Variants in UCHL3 observed in about 807,000 individuals in gnomAD.
The protein encoded by UCHL3 is ubiquitin C-terminal hydrolase L3.
A neutral mutation model predicts 35.8 loss-of-function variants in UCHL3; 22 were observed. That is an observed-to-expected ratio of 0.61 (90% CI 0.44 to 0.88). The LOEUF is 0.88. Among genes scored for constraint, UCHL3 ranks in the 40% least tolerant of loss-of-function variants. The pLI, the probability that UCHL3 is intolerant of heterozygous loss-of-function variation, is 0.00. For synonymous variants in UCHL3, 90 were observed against 92.8 expected, an observed-to-expected ratio of 0.97 and a Z score of 0.17; for missense variants, 229 against 276.9, an observed-to-expected ratio of 0.83 and a Z score of 1.23.
rs781445517 is a variant in UCHL3 at position 75,569,552 on chromosome 13, A to G, written c.474+45A>G. 6 of 1,525,950 alleles carry G rather than the reference A, an allele frequency of 3.9e-6. No homozygotes were observed. The Admixed American group carries it at 9.4e-5, about 24-fold the overall frequency. The allele number at this position is 1,525,950 out of a possible 1,614,324, so 94.5% of individuals were successfully genotyped here. On this transcript the variant is annotated intron_variant, in intron 6 of 8. Transcript: ENST00000377595. ...AATTTTTCTTGCTATAAATTTAACCATATAAATTTCTTGCTGTAAATTTAA... is the reference window on the plus strand; with the variant it reads ...AATTTTTCTTGCTATAAATTTAACCGTATAAATTTCTTGCTGTAAATTTAA...
At chr13:75,566,600 A>G (rs1056385432) in intron 3 of UCHL3, 95 bp from the exon 4 acceptor site, 5 of 755,744 alleles carry the variant, frequency 6.6e-6, no homozygotes, top group Non-Finnish European at 9.5e-6. Context: ...CTTTCATAAT[A>G]ATATTTTTTA....
intron 6 of UCHL3, chr13:75,590,243 GC>G: frequency 8.4e-7 from 1 of 1,186,138 alleles, no homozygotes; most frequent in Admixed American, 3.7e-5. Flanking sequence ...TCAACCATTA[GC>G]TTTTTCTCCC....
intron 7 of UCHL3, among the ~76,000 whole-genome samples, chr13:75,597,039 A>G (rs962603414): frequency 6.6e-6 from 1 of 152,258 alleles, no homozygotes; most frequent in East Asian, 1.9e-4. Context: ...AAGAATAGCC[A>G]TAATCTTTGA....
At chr13:75,581,491 A>C (rs1054890706) in intron 6 of UCHL3, among the ~76,000 whole-genome samples, 2 of 148,376 alleles carry the variant, frequency 1.3e-5, no homozygotes, top group African/African-American at 5.0e-5. Context: ...CTGAGACCAC[A>C]GGCATGTACC....
chr13:75,594,974 G>A lies in UCHL3; in HGVS notation c.534G>A (p.Gly178=), dbSNP rs756180319. 3 of 1,605,504 alleles carry A rather than the reference G, an allele frequency of 1.9e-6. No homozygotes were observed. In the South Asian group the frequency reaches 3.4e-5, roughly 18 times the overall value. ...LHFIALVHVD[G]HLYELDGRKP... Reference sequence around the variant, plus strand: ...TTATTGCATTAGTTCATGTAGATGGGCATCTCTATGAATTAGGTAAGAACT... The same window carrying A: ...TTATTGCATTAGTTCATGTAGATGGACATCTCTATGAATTAGGTAAGAACT... The change falls in exon 7 of 9, where the codon GGG becomes GGA. Residue 178 remains glycine (G), a synonymous_variant. Coordinates refer to ENST00000377595, the MANE Select transcript of UCHL3 (RefSeq NM_006002.5).
rs566273209 is a variant in UCHL3, at chr13:75,599,702, C to A, written c.550+4712C>A. Among the ~76,000 whole-genome samples, 28 of 152,302 alleles carry A rather than the reference C, an allele frequency of 1.8e-4. No homozygotes were observed. In the South Asian group the frequency reaches 5.6e-3, roughly 30 times the overall value. ...GTGTTCTGACTGCTCCATTAACCAG[C>A]CATTTCCCCATCTCTTTTCCTCTCT... On this transcript the variant is annotated intron_variant, in intron 7 of 8. Transcript: ENST00000377595.
chr13:75,566,241 A>G (rs1017498585), intron 3 of UCHL3, among the ~76,000 whole-genome samples: 4 of 152,232 alleles, frequency 2.6e-5, no homozygotes, highest in African/African-American at 9.6e-5. Flanking sequence ...AAACTGACCT[A>G]TAACCACACT....
chr13:75,601,970 G>A (rs55777620), intron 7 of UCHL3, among the ~76,000 whole-genome samples: 21,994 of 151,912 alleles, frequency 0.14, 1,992 homozygotes, highest in East Asian at 0.29. Flanking sequence ...TTAGCTGGGT[G>A]TGGTGGTGGG....
intron 5 of UCHL3, among the ~76,000 whole-genome samples, chr13:75,568,724 A>G (rs2031765934): frequency 1.3e-5 from 2 of 151,994 alleles, no homozygotes; most frequent in South Asian, 4.1e-4. Context: ...TTGTAGCTAA[A>G]TCTTTGTAAA....
At chr13:75,568,349 A>G (rs1252060282) in intron 5 of UCHL3, among the ~76,000 whole-genome samples, 1 of 151,974 alleles carries the variant, frequency 6.6e-6, no homozygotes, top group East Asian at 1.9e-4. Flanking sequence ...AGAATTTTAA[A>G]TTGTTTTTTT....
chr13:75,583,456 ATTC>A (rs1171252110), intron 6 of UCHL3, among the ~76,000 whole-genome samples: 8 of 152,194 alleles, frequency 5.3e-5, no homozygotes, highest in Non-Finnish European at 8.8e-5. Flanking sequence ...GGGGAAAATT[ATTC>A]TTTGTCTTTA....
At chr13:75,590,514 A>G (rs1172890830) in intron 6 of UCHL3, among the ~76,000 whole-genome samples, 1 of 152,104 alleles carries the variant, frequency 6.6e-6, no homozygotes, top group Non-Finnish European at 1.5e-5. Flanking sequence ...GTTCTTTGCC[A>G]TCTATTACTT....
chr13:75,599,762 T>C (rs1468277622), intron 7 of UCHL3, among the ~76,000 whole-genome samples: 2 of 152,146 alleles, frequency 1.3e-5, no homozygotes, highest in East Asian at 1.9e-4. Flanking sequence ...ACAATAATAT[T>C]GAAATGAGGC....
intron 3 of UCHL3, 35 bp from the exon 4 acceptor site, chr13:75,566,660 C>A: frequency 1.6e-6 from 2 of 1,258,474 alleles, no homozygotes; most frequent in Non-Finnish European, 2.0e-6. Flanking sequence ...ATGTTATTTT[C>A]CACAAATACA....
intron 3 of UCHL3, among the ~76,000 whole-genome samples, chr13:75,561,554 A>G (rs868422968): frequency 1.7e-4 from 26 of 151,932 alleles, no homozygotes; most frequent in African/African-American, 6.3e-4. Context: ...ATATATATAT[A>G]TAAGGAATCT....
In UCHL3 at chr13:75,566,890, G is replaced by A. The variant is rs529221600; in HGVS notation, c.340+39G>A. 76 of 1,559,708 alleles carry A rather than the reference G, an allele frequency of 4.9e-5. No homozygotes were observed. In the South Asian group the frequency reaches 8.7e-4, roughly 18 times the overall value. On this transcript the variant is annotated intron_variant, in intron 4 of 8. Transcript: ENST00000377595. ...CATTACTGCATTTTTTCCCCCTTAAGATACAAGTTAATTGCATTGAGCAGT... is the reference window on the plus strand; with the variant it reads ...CATTACTGCATTTTTTCCCCCTTAAAATACAAGTTAATTGCATTGAGCAGT...
At chr13:75,584,162 G>A (rs1274451579) in intron 6 of UCHL3, among the ~76,000 whole-genome samples, 2 of 152,148 alleles carry the variant, frequency 1.3e-5, no homozygotes, top group Non-Finnish European at 2.9e-5. Context: ...TGGAGGAAAA[G>A]ACCCCTGAGA....
chr13:75,581,514 TA>T lies in UCHL3; in HGVS notation c.474+12009del, dbSNP rs1274853233. 1.5e-4 allele frequency among the ~76,000 whole-genome samples: 15 copies of T among 102,740 alleles called. No homozygotes were observed. In the East Asian group the frequency reaches 3.5e-3, roughly 24 times the overall value. 67.4% of individuals were successfully genotyped at this position (102,740 alleles called of 152,430 possible). A position where few individuals can be genotyped will look rare whatever the true frequency, so the allele number is the denominator to read the frequency against. Reference sequence around the variant, plus strand: ...ACAGGCATGTACCATCACACCTGGCTAATTTTTTTTTTTTTTTTTTTTTTAG... The same window carrying T: ...ACAGGCATGTACCATCACACCTGGCTATTTTTTTTTTTTTTTTTTTTTTAG... On this transcript the variant is annotated intron_variant, in intron 6 of 8. Transcript: ENST00000377595.
chr13:75,592,785 A>G (rs2032547105), intron 6 of UCHL3, among the ~76,000 whole-genome samples: 1 of 151,954 alleles, frequency 6.6e-6, no homozygotes. Context: ...TTTAGTATGC[A>G]CTTTTAGATT....
Sources: gnomAD v4.1 joint callset for allele counts (sites outside exome capture counted in the v4.1 genomes callset) on GRCh38, gnomAD v4.1.1 for gene constraint, MANE v1.5 for transcripts, NCBI Gene and HGNC (gene_info 2026-07-23, HGNC 2026-07-21) for gene names.